The following LRRFIP1 variants were observed in gnomAD, a reference collection of about 807,000 sequenced individuals.
LRRFIP1 encodes leucine-rich repeat flightless-interacting protein 1.
LRRFIP1 carries 62 observed loss-of-function variants against 104.4 expected under a neutral mutation model. That is an observed-to-expected ratio of 0.59 (90% CI 0.48 to 0.73). The LOEUF (loss-of-function observed/expected upper bound fraction) is 0.73. LRRFIP1 is among the 30% of genes least tolerant of loss of function. The pLI is 0.00. For synonymous variants in LRRFIP1, 300 were observed against 299.0 expected, an observed-to-expected ratio of 1.00 and a Z score of -0.03; for missense variants, 796 against 824.5, an observed-to-expected ratio of 0.97 and a Z score of 0.42.
At chr2:237,719,436 G>A in intron 4 of LRRFIP1, 87 bp from the exon 5 acceptor site, 6 of 819,330 alleles carry the variant, frequency 7.3e-6, no homozygotes, top group Non-Finnish European at 1.3e-5. Context: ...CTGTATTATG[G>A]TGCAGTGGGA....
intron 23 of LRRFIP1, among the ~76,000 whole-genome samples, chr2:237,776,808 G>A (rs2061135658): frequency 6.6e-6 from 1 of 152,134 alleles, no homozygotes; most frequent in African/African-American, 2.4e-5. Context: ...ATCTCCTTCA[G>A]ATGCACATAG....
In LRRFIP1 at chr2:237,780,791, A is replaced by G. The variant is rs1169617276; in HGVS notation, c.*1259A>G. On this transcript the variant is annotated 3_prime_UTR_variant, in exon 24 of 24. Transcript: ENST00000308482. ...ACCAGTGTCCATCCCCCAGAACTGT[A>G]TGGATCTAGGATATACACAGCTGCG... Among the ~76,000 whole-genome samples, 2 of 152,210 alleles carry G rather than the reference A, an allele frequency of 1.3e-5. No homozygotes were observed. The highest frequency in any genetic ancestry group is 4.8e-5 in the African/African-American group (2 of 41,454).
intron 11 of LRRFIP1, among the ~76,000 whole-genome samples, chr2:237,742,086 G>A (rs994571308): frequency 9.9e-5 from 15 of 152,180 alleles, no homozygotes; most frequent in Non-Finnish European, 8.8e-5. Flanking sequence ...TTTGTCATAC[G>A]AAATTGACCG....
At chr2:237,724,304 T>G (rs1211308512) in intron 7 of LRRFIP1, among the ~76,000 whole-genome samples, 3 of 152,234 alleles carry the variant, frequency 2.0e-5, no homozygotes, top group African/African-American at 4.8e-5. Flanking sequence ...CCTGAAGGAC[T>G]TTACCTAAAA....
At chr2:237,629,447 TCC>T (rs2082031218) in intron 1 of LRRFIP1, among the ~76,000 whole-genome samples, 1 of 151,058 alleles carries the variant, frequency 6.6e-6, no homozygotes, top group African/African-American at 2.4e-5. Context: ...TTGCCTTTTA[TCC>T]ACTGGTGTTT....
chr2:237,767,229 G>A (rs1297195167), intron 19 of LRRFIP1, among the ~76,000 whole-genome samples: 2 of 152,120 alleles, frequency 1.3e-5, no homozygotes, highest in Admixed American at 6.5e-5. Context: ...CTCCATATAA[G>A]AAGGTATAGA....
In LRRFIP1 at chr2:237,780,477, C is replaced by T. The variant is rs2061409261; in HGVS notation, c.*945C>T. On this transcript the variant is annotated 3_prime_UTR_variant, in exon 24 of 24. Transcript: ENST00000308482. ...AAGGTGTTTTCACAGAATGAGTGCA[C>T]TTAAAAAGTGAAGTGAAGGAGGAGG... 6.6e-6 allele frequency among the ~76,000 whole-genome samples: 1 copy of T among 152,046 alleles called. No individual in the cohort carries two copies. The highest frequency in any genetic ancestry group is 1.5e-5 in the Non-Finnish European group (1 of 68,002).
At chr2:237,755,464 A>C (rs1015349938) in intron 15 of LRRFIP1, among the ~76,000 whole-genome samples, 13 of 152,238 alleles carry the variant, frequency 8.5e-5, no homozygotes, top group Non-Finnish European at 2.9e-5. Flanking sequence ...CCAGGCTCTC[A>C]GCACAGTGCT....
At chr2:237,693,738 G>T (rs918051633) in intron 1 of LRRFIP1, among the ~76,000 whole-genome samples, 1 of 152,208 alleles carries the variant, frequency 6.6e-6, no homozygotes, top group African/African-American at 2.4e-5. Context: ...GTGAAGAGCT[G>T]CCTGCTGGAC....
intron 12 of LRRFIP1, among the ~76,000 whole-genome samples, 172 bp from the exon 13 acceptor site, chr2:237,749,027 C>T (rs1404029882): frequency 1.3e-5 from 2 of 152,186 alleles, no homozygotes; most frequent in African/African-American, 4.8e-5. Context: ...CTCCTGGGAG[C>T]CCACTCACTA....
At chr2:237,686,877 A>G (rs1247838808) in intron 1 of LRRFIP1, among the ~76,000 whole-genome samples, 1 of 152,190 alleles carries the variant, frequency 6.6e-6, no homozygotes, top group Non-Finnish European at 1.5e-5. Flanking sequence ...TGATGCTCCT[A>G]CCAGTGCCCC....
intron 1 of LRRFIP1, among the ~76,000 whole-genome samples, chr2:237,641,496 C>CAAAAA (rs10645424): frequency 2.5e-5 from 3 of 121,986 alleles, no homozygotes; most frequent in Non-Finnish European, 5.2e-5. Flanking sequence ...GACTCTGTCT[C>CAAAAA]AAAAAAAAAA....
intron 1 of LRRFIP1, among the ~76,000 whole-genome samples, chr2:237,638,973 C>T (rs73999195): frequency 0.011 from 1,748 of 152,248 alleles, 29 homozygotes; most frequent in African/African-American, 0.039. Flanking sequence ...GTTGTGTGAC[C>T]GTAGGCAAGT....
chr2:237,634,010 T>A (rs1467057386), intron 1 of LRRFIP1, among the ~76,000 whole-genome samples: 1 of 152,186 alleles, frequency 6.6e-6, no homozygotes, highest in African/African-American at 2.4e-5. Flanking sequence ...CTTTAAAAAA[T>A]TGATTTTTAT....
At chr2:237,733,252 T>A (rs1358845331) in intron 8 of LRRFIP1, among the ~76,000 whole-genome samples, 4 of 152,238 alleles carry the variant, frequency 2.6e-5, no homozygotes, top group Admixed American at 6.5e-5. Flanking sequence ...CCGCGGCTCC[T>A]CTGGGGGTGC....
chr2:237,659,411 T>C (rs2087430644), intron 1 of LRRFIP1, among the ~76,000 whole-genome samples: 1 of 151,578 alleles, frequency 6.6e-6, no homozygotes, highest in African/African-American at 2.4e-5. Context: ...GGATATGTTA[T>C]TAAAGAACAG....
intron 1 of LRRFIP1, among the ~76,000 whole-genome samples, chr2:237,704,329 T>C (rs1232269732): frequency 6.6e-6 from 1 of 151,968 alleles, no homozygotes; most frequent in African/African-American, 2.4e-5. Flanking sequence ...ATTTTTTGTA[T>C]TTTTAGTAGA....
At chr2:237,764,539 T>C in intron 19 of LRRFIP1, 1 of 1,045,502 alleles carries the variant, frequency 9.6e-7, no homozygotes, top group Non-Finnish European at 1.2e-6. Context: ...ACTTCTGTAT[T>C]ATGAATATAA....
At chr2:237,758,617 A>G (rs2150792013) in intron 17 of LRRFIP1, 112 bp from the exon 18 acceptor site, 2 of 685,622 alleles carry the variant, frequency 2.9e-6, no homozygotes, top group Middle Eastern at 2.5e-4. Context: ...TTTAATGTCT[A>G]GAGTCCACTA....
Sources: gnomAD v4.1 joint callset for allele counts (sites outside exome capture counted in the v4.1 genomes callset) on GRCh38, gnomAD v4.1.1 for gene constraint, MANE v1.5 for transcripts, NCBI Gene and HGNC (gene_info 2026-07-23, HGNC 2026-07-21) for gene names.